SEL1L3: variants seen among roughly 807,000 people sequenced by gnomAD.
The protein encoded by SEL1L3 is SEL1L family member 3, also known as protein sel-1 homolog 3.
A neutral mutation model predicts 142.8 loss-of-function variants in SEL1L3; 76 were observed. The ratio of observed to expected loss-of-function variants is 0.53; its 90% CI spans 0.44 to 0.64. SEL1L3 has a LOEUF of 0.64. SEL1L3 is among the 30% of genes least tolerant of loss of function. The pLI, the probability that SEL1L3 is intolerant of heterozygous loss-of-function variation, is 0.00. For synonymous variants in SEL1L3, 504 were observed against 519.6 expected (o/e 0.97, Z 0.41); for missense variants, 1,262 against 1,381.7 (o/e 0.91, Z 1.37).
At chr4:25,793,207 T>C (rs891621723) in intron 11 of SEL1L3, among the ~76,000 whole-genome samples, 1 of 152,174 alleles carries the variant, frequency 6.6e-6, no homozygotes, top group Non-Finnish European at 1.5e-5. Context: ...GCCCACATCC[T>C]TTGCCCAGCC....
At position 25,819,896 on chromosome 4, in the gene SEL1L3, C is replaced by G; in HGVS notation, c.1335G>C (p.Lys445Asn). The G allele has an allele frequency of 6.2e-7, 1 of 1,612,796 alleles. No homozygotes were observed. The highest frequency in any genetic ancestry group is 8.5e-7 in the Non-Finnish European group (1 of 1,179,376). The change falls in exon 8 of 24, where the codon AAG (lysine) becomes AAC (asparagine). Residue 445 changes from lysine to asparagine, a missense_variant. Lys to Asn is a moderately conservative substitution (Grantham distance 94). Coordinates refer to ENST00000399878, the MANE Select transcript of SEL1L3 (RefSeq NM_015187.5). Reference protein sequence around the residue: ...LLEKQLAEQIKLYYERCAEVQ... With the variant: ...LLEKQLAEQINLYYERCAEVQ... ...CCTCAGCACACCTTTCATAATATAA[C>G]TTGATTTGTTCAGCAAGTTGCTTCT...
At chr4:25,718,815 A>G in the SEL1L3 span, 2 of 152,180 alleles carry the variant, frequency 1.3e-5, no homozygotes, top group African/African-American at 4.8e-5. Context: ...TTTTTACTAT[A>G]CAAGCCATGA....
At chr4:25,852,186 T>A (rs574514295) in intron 1 of SEL1L3, among the ~76,000 whole-genome samples, 1 of 152,326 alleles carries the variant, frequency 6.6e-6, no homozygotes, top group South Asian at 2.1e-4. Flanking sequence ...CAGTCTACTC[T>A]CTTATTCTGC....
intron 16 of SEL1L3, chr4:25,776,619 A>G (rs1237169940): frequency 2.6e-6 from 1 of 385,652 alleles, no homozygotes; most frequent in Non-Finnish European, 4.8e-6. Flanking sequence ...AAATATATCC[A>G]CCAATATGAA....
At chr4:25,719,581 A>G in the SEL1L3 span, 1 of 152,180 alleles carries the variant, frequency 6.6e-6, no homozygotes, top group Non-Finnish European at 1.5e-5. Flanking sequence ...ACAGAAGAGA[A>G]GACTAATGAG....
At chr4:25,766,659 T>C (rs1292910829) in intron 19 of SEL1L3, among the ~76,000 whole-genome samples, 2 of 152,118 alleles carry the variant, frequency 1.3e-5, no homozygotes, top group Admixed American at 6.5e-5. Context: ...GTGCCTGTGA[T>C]GTTACCAGAG....
rs777048054 is a variant in SEL1L3, at chr4:25,788,834, C to G, written c.2077-470G>C. 6.6e-6 allele frequency among the ~76,000 whole-genome samples: 1 copy of G among 152,146 alleles called. No individual in the cohort carries two copies. Among genetic ancestry groups the G allele is most frequent in the Non-Finnish European group, 1.5e-5 (1 of 68,028 alleles). On this transcript the variant is annotated intron_variant, in intron 12 of 23. Coordinates refer to ENST00000399878, the MANE Select transcript of SEL1L3 (RefSeq NM_015187.5). The surrounding 1 kb of genome is among the most constrained non-coding windows in gnomAD (Gnocchi z 5.3). ...GCTGGCTCCAACATCAGACTGGAGGCTGGAAGCTCTTGGGAGGGAGGAACC... is the reference window on the plus strand; with the variant it reads ...GCTGGCTCCAACATCAGACTGGAGGGTGGAAGCTCTTGGGAGGGAGGAACC...
At chr4:25,738,976 C>G in the SEL1L3 span, among the ~76,000 whole-genome samples, 1 of 150,944 alleles carries the variant, frequency 6.6e-6, no homozygotes, top group East Asian at 2.0e-4. Flanking sequence ...GAGGCCGAGG[C>G]GGGCAGATTA....
intron 13 of SEL1L3, among the ~76,000 whole-genome samples, chr4:25,785,722 GA>G: frequency 6.6e-6 from 1 of 152,162 alleles, no homozygotes; most frequent in Non-Finnish European, 1.5e-5. Context: ...AGTAACTGGA[GA>G]GGGGAGGAGA....
intron 17 of SEL1L3, among the ~76,000 whole-genome samples, chr4:25,774,545 T>C (rs1328082336): frequency 1.3e-5 from 2 of 152,202 alleles, no homozygotes; most frequent in Non-Finnish European, 2.9e-5. Context: ...TACAATATGC[T>C]AAAGTGCTTT....
chr4:25,755,076 CT>C (rs1013430683), intron 23 of SEL1L3, among the ~76,000 whole-genome samples: 8 of 150,880 alleles, frequency 5.3e-5, no homozygotes, highest in Non-Finnish European at 7.4e-5. Context: ...TATTCTTAAT[CT>C]TTTTTTTTAA....
intron 9 of SEL1L3, among the ~76,000 whole-genome samples, chr4:25,812,403 A>G (rs969030069): frequency 6.6e-6 from 1 of 152,080 alleles, no homozygotes; most frequent in African/African-American, 2.4e-5. Context: ...GACTTTCCTG[A>G]TTTCACAGTA....
rs755508877 is a variant in SEL1L3 at position 25,847,796 on chromosome 4, G to A, written c.231C>T (p.Ser77=). ...AATAAATAAAGTCTTTGTAAGCCAC[G>A]CTCTGCTCAGCTTTGGGTATCACTG... The part of the protein sequence containing the change: ...TTSVIPKAEQ[S]VAYKDFIYFT... The change falls in exon 2 of 24, where the codon AGC becomes AGT. Residue 77 remains serine, a synonymous_variant. Coordinates refer to ENST00000399878, the MANE Select transcript of SEL1L3 (RefSeq NM_015187.5). The A allele has an allele frequency of 6.8e-6, 11 of 1,612,634 alleles. No individual in the cohort carries two copies. The highest frequency in any genetic ancestry group is 5.5e-5 in the South Asian group (5 of 90,824).
chr4:25,745,831 G>A (rs1418210987), downstream of SEL1L3, among the ~76,000 whole-genome samples: 1 of 152,242 alleles, frequency 6.6e-6, no homozygotes, highest in Non-Finnish European at 1.5e-5. Context: ...GCAGCTTAGG[G>A]CAATTCCCAG....
In SEL1L3 at chr4:25,818,226, C is replaced by A. The variant is rs373501355; in HGVS notation, c.1476G>T (p.Ser492=). The change falls in exon 9 of 24, where the codon TCG becomes TCT. Residue 492 remains serine, a synonymous_variant. Transcript: ENST00000399878. ...TCTCCCAGGGGAAGGCTCTGCACAT[C>A]GAGGGTCTCCCATACCTGCGCTGGA... ...LDLQRRYGRP[S]MCRAFPWEKE... is the part of the protein sequence containing the mutation. 6.2e-7 allele frequency: 1 copy of A among 1,603,418 alleles called. No homozygotes were observed. The highest frequency in any genetic ancestry group is 2.2e-5 in the East Asian group (1 of 44,520).
At chr4:25,846,345 A>G (rs904094778) in intron 2 of SEL1L3, among the ~76,000 whole-genome samples, 1 of 152,242 alleles carries the variant, frequency 6.6e-6, no homozygotes, top group Non-Finnish European at 1.5e-5. Context: ...GGACTCTATC[A>G]TCATCACAGC....
At chr4:25,730,830 A>T in the SEL1L3 span, among the ~76,000 whole-genome samples, 1 of 152,114 alleles carries the variant, frequency 6.6e-6, no homozygotes, top group African/African-American at 2.4e-5. Context: ...GGAGTTCAAG[A>T]CCAGCCTGGC....
the SEL1L3 span, among the ~76,000 whole-genome samples, chr4:25,735,440 A>G: frequency 3.9e-5 from 6 of 151,936 alleles, no homozygotes; most frequent in Admixed American, 6.6e-5. Context: ...AGAGCTTTTA[A>G]AATCAATGTT....
the SEL1L3 span, among the ~76,000 whole-genome samples, chr4:25,737,570 T>C: frequency 6.6e-6 from 1 of 152,170 alleles, no homozygotes; most frequent in Non-Finnish European, 1.5e-5. Flanking sequence ...CTCTAAATGC[T>C]ATCCCATTGG....
Sources: allele counts gnomAD v4.1 joint callset (sites outside exome capture counted in the v4.1 genomes callset), GRCh38; gene constraint gnomAD v4.1.1; non-coding constraint Gnocchi (gnomAD v3.1); transcripts MANE v1.5; gene names NCBI Gene and HGNC (gene_info 2026-07-23, HGNC 2026-07-21).